The following NEIL1 variants were observed in gnomAD, a reference collection of about 807,000 sequenced individuals.
The protein encoded by NEIL1 is endonuclease 8-like 1.
NEIL1 carries 31 observed loss-of-function variants against 44.2 expected under a neutral mutation model. The ratio of observed to expected loss-of-function variants is 0.70; its 90% confidence interval spans 0.53 to 0.95. The LOEUF is 0.95. Among genes scored for constraint, NEIL1 ranks in the 40% least tolerant of loss-of-function variants. The pLI is 0.00. For synonymous variants in NEIL1, 254 were observed against 209.7 expected (o/e 1.21, Z -1.83); for missense variants, 549 against 515.5 (o/e 1.07, Z -0.63).
rs368112790 is a variant in NEIL1 at position 75,356,703 on chromosome 15, C to A, written c.*1669C>A. 2 of 1,607,942 alleles carry A rather than the reference C, an allele frequency of 1.2e-6. No homozygotes were observed. Among genetic ancestry groups the A allele is most frequent in the South Asian group, 2.2e-5 (2 of 90,406 alleles). On this transcript the variant is annotated 3_prime_UTR_variant, in exon 10 of 10. Coordinates refer to ENST00000355059, the MANE Select transcript of NEIL1 (RefSeq NM_024608.4). This position sits in a 1 kb window ranked among gnomAD's most constrained non-coding sequence, Gnocchi z 5.8. ...CCCGCAAGCTGGGGTGAGGAGGGCG[C>A]GTAGGGGCCACGCTGAAGCTGTTGG... is the stretch of plus-strand genomic sequence containing the variant.
At chr15:75,348,510 G>A (rs1398108734) in intron 1 of NEIL1, 10 of 1,105,798 alleles carry the variant, frequency 9.0e-6, no homozygotes, top group Non-Finnish European at 1.1e-5. Context: ...AAGTGTCTGG[G>A]ACAGAGGGAC....
Position 75,353,820 on chromosome 15 carries a change from G to A in NEIL1, c.800G>A (p.Gly267Asp). 6.2e-7 allele frequency: 1 copy of A among 1,613,824 alleles called. No individual in the cohort carries two copies. Among genetic ancestry groups the A allele is most frequent in the South Asian group, 1.1e-5 (1 of 91,064 alleles). The change falls in exon 6 of 10, where the codon GGC (glycine) becomes GAC (aspartate). Residue 267 changes from glycine (G) to aspartate (D), a missense_variant. Coordinates refer to ENST00000355059, the MANE Select transcript of NEIL1 (RefSeq NM_024608.4). The part of the protein sequence containing the change: ...RAWLRCYGMP[G>D]MSSLQDRHGR... ...TGGCTGCGCTGCTATGGCATGCCAG[G>A]CATGAGCTCCCTGCAGGACCGGCAT...
chr15:75,354,786 A>G lies in NEIL1; in HGVS notation c.1070A>G (p.Lys357Arg). 1 of 1,614,090 alleles carries G rather than the reference A, an allele frequency of 6.2e-7. No homozygotes were observed. Among genetic ancestry groups the G allele is most frequent in the African/African-American group, 1.3e-5 (1 of 75,046 alleles). ...QDPEAPTVPK[K>R]GRRKGRQAAS... ...CCAGAAGCTCCCACAGTGCCCAAGAAGGGGAGGAGGAAGGGGCGACAGGCA... is the reference window on the plus strand; with the variant it reads ...CCAGAAGCTCCCACAGTGCCCAAGAGGGGGAGGAGGAAGGGGCGACAGGCA... Residue 357 changes from lysine to arginine, a missense_variant, in exon 9 of 10, where the codon AAG becomes AGG. By Grantham distance (26) the Lys-to-Arg change is conservative. Coordinates refer to ENST00000355059, the MANE Select transcript of NEIL1 (RefSeq NM_024608.4).
At chr15:75,352,276 G>A (rs1368387635) in intron 3 of NEIL1, 46 bp downstream of exon 3, 3 of 1,614,002 alleles carry the variant, frequency 1.9e-6, no homozygotes, top group Middle Eastern at 1.6e-4. Context: ...GGCCAGGTGT[G>A]CCCACATTCC....
chr15:75,355,738 T>TACCACC lies in NEIL1; in HGVS notation c.*704_*705insACCACC. 3.1e-6 allele frequency: 2 copies of TACCACC among 634,992 alleles called. No individual in the cohort carries two copies. Among genetic ancestry groups the TACCACC allele is most frequent in the East Asian group, 3.8e-5 (1 of 26,316 alleles). The allele number at this position is 634,992 out of a possible 1,614,324, so 39.3% of individuals were successfully genotyped here. ...CTGGGAAGCCATCCCACCCCAGACT[T>TACCACC]CCCACCCCCACCCCAAGCGTGAGGA... On this transcript the variant is annotated 3_prime_UTR_variant, in exon 10 of 10. Coordinates refer to ENST00000355059, the MANE Select transcript of NEIL1 (RefSeq NM_024608.4).
In NEIL1 at chr15:75,356,224, A is replaced by C. The variant is rs1163736556; in HGVS notation, c.*1190A>C. The C allele has an allele frequency of 2.5e-6, 4 of 1,613,030 alleles. No individual in the cohort carries two copies. Among genetic ancestry groups the C allele is most frequent in the Non-Finnish European group, 3.4e-6 (4 of 1,179,768 alleles). ...GCGCTGGGGGCTGCTCTCCGCCTGC[A>C]GAGGAACACGTCTGGTGGGAGGGGC... On this transcript the variant is annotated 3_prime_UTR_variant, in exon 10 of 10. Coordinates refer to ENST00000355059, the MANE Select transcript of NEIL1 (RefSeq NM_024608.4). The surrounding 1 kb of genome is among the most constrained non-coding windows in gnomAD (Gnocchi z 5.8).
At position 75,356,434 on chromosome 15, in the gene NEIL1, G is replaced by C. The variant is rs920872509; in HGVS notation, c.*1400G>C. 6.2e-7 allele frequency: 1 copy of C among 1,603,520 alleles called. No homozygotes were observed. The highest frequency in any genetic ancestry group is 1.3e-5 in the African/African-American group (1 of 74,962). ...GCTGTAGGCAGCTTGGATAACGCCA[G>C]CATCCTGGAAAGAGCCTGGGGTACG... is the stretch of plus-strand genomic sequence containing the variant. On this transcript the variant is annotated 3_prime_UTR_variant, in exon 10 of 10. Coordinates refer to ENST00000355059, the MANE Select transcript of NEIL1 (RefSeq NM_024608.4). This position sits in a 1 kb window ranked among gnomAD's most constrained non-coding sequence, Gnocchi z 5.8.
In NEIL1 at chr15:75,349,007, C is replaced by T; in HGVS notation, c.102C>T (p.Arg34=). The T allele has an allele frequency of 6.2e-7, 1 of 1,613,800 alleles. No individual in the cohort carries two copies. Among genetic ancestry groups the T allele is most frequent in the Non-Finnish European group, 8.5e-7 (1 of 1,180,026 alleles). Residue 34 remains arginine (R), a synonymous_variant, in exon 2 of 10, where the codon CGC becomes CGT. Transcript: ENST00000355059. ...GCGTGGAGAAGTCCTCTGTCAGCCG[C>T]AACCCTGAGGTGCCCTTTGAGAGCA... The part of the protein sequence containing the change: ...GGCVEKSSVS[R]NPEVPFESSA...
In NEIL1 at chr15:75,355,738, T is replaced by TGCCCCC; in HGVS notation, c.*704_*705insGCCCCC. On this transcript the variant is annotated 3_prime_UTR_variant, in exon 10 of 10. Coordinates refer to ENST00000355059, the MANE Select transcript of NEIL1 (RefSeq NM_024608.4). ...CTGGGAAGCCATCCCACCCCAGACT[T>TGCCCCC]CCCACCCCCACCCCAAGCGTGAGGA... The TGCCCCC allele has an allele frequency of 1.6e-6, 1 of 634,994 alleles. No homozygotes were observed. 39.3% of individuals were successfully genotyped at this position (634,994 alleles called of 1,614,324 possible).
intron 2 of NEIL1, among the ~76,000 whole-genome samples, chr15:75,351,066 T>C (rs2071848857): frequency 6.6e-6 from 1 of 151,998 alleles, no homozygotes; most frequent in Non-Finnish European, 1.5e-5. Context: ...ACTCCACATA[T>C]CTCCTGCACA....
Position 75,356,628 on chromosome 15 carries a change from G to A in NEIL1, c.*1594G>A. 1 of 1,566,444 alleles carries A rather than the reference G, an allele frequency of 6.4e-7. No homozygotes were observed. The highest frequency in any genetic ancestry group is 8.7e-7 in the Non-Finnish European group (1 of 1,155,974). On this transcript the variant is annotated 3_prime_UTR_variant, in exon 10 of 10. Transcript: ENST00000355059. This position sits in a 1 kb window ranked among gnomAD's most constrained non-coding sequence, Gnocchi z 5.8. ...CACCCTTGTGCGGCATCAGTGCATA[G>A]GTGAACTCGTGGCGCCCCGTGTCAG...
Position 75,348,881 on chromosome 15 carries a change from C to A in NEIL1, c.-22-3C>A, listed in dbSNP as rs2071652733. 6.2e-7 allele frequency: 1 copy of A among 1,605,378 alleles called. No individual in the cohort carries two copies. The highest frequency in any genetic ancestry group is 1.3e-5 in the African/African-American group (1 of 74,848). On this transcript the variant is annotated splice_polypyrimidine_tract_variant and splice_region_variant and intron_variant, in intron 1 of 9. Transcript: ENST00000355059. The stretch of plus-strand genomic sequence containing the variant: ...CTCAACCCGCTGCCTTCCTCCCCAA[C>A]AGGACTCTGCCACCCTCCCTCAGGA...
rs149388395 is a variant in NEIL1 at position 75,350,948 on chromosome 15, C to G, written c.435-1163C>G. Among the ~76,000 whole-genome samples the G allele has an allele frequency of 2.7e-4, 41 of 152,282 alleles. 1 individual carries two copies. The East Asian group carries it at 6.8e-3, about 25-fold the overall frequency. ...TCATCACACCCATTAGTCAGTCTTG[C>G]CATGACCCTTTTCCGCAAAGAAACA... On this transcript the variant is annotated intron_variant, in intron 2 of 9. Coordinates refer to ENST00000355059, the MANE Select transcript of NEIL1 (RefSeq NM_024608.4).
chr15:75,356,702 G>T lies in NEIL1; in HGVS notation c.*1668G>T, dbSNP rs1370675709. Reference sequence around the variant, plus strand: ...GCCCGCAAGCTGGGGTGAGGAGGGCGCGTAGGGGCCACGCTGAAGCTGTTG... The same window carrying T: ...GCCCGCAAGCTGGGGTGAGGAGGGCTCGTAGGGGCCACGCTGAAGCTGTTG... On this transcript the variant is annotated 3_prime_UTR_variant, in exon 10 of 10. Transcript: ENST00000355059. The surrounding 1 kb of genome is among the most constrained non-coding windows in gnomAD (Gnocchi z 5.8). The T allele has an allele frequency of 1.9e-6, 3 of 1,607,378 alleles. No homozygotes were observed. In the Admixed American group the frequency reaches 5.1e-5, roughly 27 times the overall value.
Position 75,353,843 on chromosome 15 carries a change from C to A in NEIL1, c.823C>A (p.His275Asn), listed in dbSNP as rs748946113. The A allele has an allele frequency of 6.2e-7, 1 of 1,613,246 alleles. No individual in the cohort carries two copies. The highest frequency in any genetic ancestry group is 8.5e-7 in the Non-Finnish European group (1 of 1,180,006). Residue 275 changes from histidine (H) to asparagine (N), a missense_variant, in exon 6 of 10, where the codon CAT becomes AAT. His to Asn is a moderately conservative substitution (Grantham distance 68). Transcript: ENST00000355059. ...AGGCATGAGCTCCCTGCAGGACCGG[C>A]ATGGCCGTACCATCTGGTTCCAGGT... is the stretch of plus-strand genomic sequence containing the variant. ...MPGMSSLQDR[H>N]GRTIWFQGDP...
intron 9 of NEIL1, 66 bp downstream of exon 9, chr15:75,354,884 C>T (rs556122939): frequency 1.9e-6 from 3 of 1,611,708 alleles, no homozygotes; most frequent in African/African-American, 1.3e-5. Flanking sequence ...GGCCTAGGAG[C>T]GCGTGTACAA....
At chr15:75,349,448 T>C in intron 2 of NEIL1, 109 bp downstream of exon 2, 1 of 1,047,230 alleles carries the variant, frequency 9.5e-7, no homozygotes, top group East Asian at 2.5e-5. Context: ...TGGGCCTCAG[T>C]TCTCTCATCT....
chr15:75,356,238 G>A lies in NEIL1; in HGVS notation c.*1204G>A. On this transcript the variant is annotated 3_prime_UTR_variant, in exon 10 of 10. Coordinates refer to ENST00000355059, the MANE Select transcript of NEIL1 (RefSeq NM_024608.4). This position sits in a 1 kb window ranked among gnomAD's most constrained non-coding sequence, Gnocchi z 5.8. ...TCTCCGCCTGCAGAGGAACACGTCT[G>A]GTGGGAGGGGCCGAGGGCAGGCCCA... 1.2e-6 allele frequency: 2 copies of A among 1,612,782 alleles called. No individual in the cohort carries two copies. The highest frequency in any genetic ancestry group is 1.7e-6 in the Non-Finnish European group (2 of 1,179,670).
chr15:75,354,774 C>A lies in NEIL1; in HGVS notation c.1058C>A (p.Thr353Lys), dbSNP rs2072219980. ...TSLQQDPEAP[T>K]VPKKGRRKGR... ...CTCCAGCAGGACCCAGAAGCTCCCA[C>A]AGTGCCCAAGAAGGGGAGGAGGAAG... The change falls in exon 9 of 10, where the codon ACA (threonine) becomes AAA (lysine). Residue 353 changes from threonine (T) to lysine (K), a missense_variant. Physicochemically the swap from Thr to Lys is moderately conservative, Grantham distance 78. Transcript: ENST00000355059. The A allele has an allele frequency of 6.2e-7, 1 of 1,614,164 alleles. No homozygotes were observed. The highest frequency in any genetic ancestry group is 2.2e-5 in the East Asian group (1 of 44,894).
Sources: allele counts gnomAD v4.1 joint callset (sites outside exome capture counted in the v4.1 genomes callset), GRCh38; gene constraint gnomAD v4.1.1; non-coding constraint Gnocchi (gnomAD v3.1); transcripts MANE v1.5; gene names NCBI Gene and HGNC (gene_info 2026-07-23, HGNC 2026-07-21).